DENND1A: variants seen among roughly 807,000 people sequenced by gnomAD.
The protein encoded by DENND1A is DENN domain-containing protein 1A.
Under a neutral mutation model 113.7 loss-of-function variants are expected in DENND1A, and 51 were observed. The observed-to-expected ratio is 0.45, with a 90% CI of 0.36 to 0.57. The LOEUF (loss-of-function observed/expected upper bound fraction) is 0.57. Among genes scored for constraint, DENND1A ranks in the 20% least tolerant of loss-of-function variants. The probability of loss-of-function intolerance (pLI) is 0.00; values close to 1 mark genes in which losing one functional copy is unlikely to be tolerated. For missense variants in DENND1A, 1,258 were observed against 1,395.9 expected, an observed-to-expected ratio of 0.90 and a Z score of 1.57; for synonymous variants, 565 against 570.8, an observed-to-expected ratio of 0.99 and a Z score of 0.14.
intron 11 of DENND1A, among the ~76,000 whole-genome samples, chr9:123,589,647 GAAAAAA>G (rs58211177): frequency 2.8e-4 from 10 of 35,432 alleles, no homozygotes; most frequent in Non-Finnish European, 5.7e-4. Flanking sequence ...TTCTCAGAAT[GAAAAAA>G]AAAAAAAAAA....
intron 5 of DENND1A, among the ~76,000 whole-genome samples, chr9:123,745,156 A>G (rs17288815): frequency 6.6e-6 from 1 of 152,138 alleles, no homozygotes; most frequent in Non-Finnish European, 1.5e-5. Context: ...GAGTAATCAG[A>G]AGCTCATTTC....
chr9:123,423,275 C>T (rs2045453008), intron 19 of DENND1A, among the ~76,000 whole-genome samples: 1 of 152,210 alleles, frequency 6.6e-6, no homozygotes, highest in African/African-American at 2.4e-5. Flanking sequence ...AGGCAACTCA[C>T]CGGCCCCTTT....
chr9:123,492,998 C>T (rs1441477021), intron 13 of DENND1A: 1 of 152,242 alleles, frequency 6.6e-6, no homozygotes, highest in Non-Finnish European at 1.5e-5. Flanking sequence ...ACATGGTTAC[C>T]ACCTGAGGAA....
chr9:123,854,136 C>A (rs899108780), intron 2 of DENND1A, among the ~76,000 whole-genome samples: 13 of 152,062 alleles, frequency 8.5e-5, no homozygotes, highest in Non-Finnish European at 1.6e-4. Flanking sequence ...CATTTTTAAC[C>A]CACTGCATTA....
chr9:123,870,931 C>T (rs1846501030), intron 2 of DENND1A, among the ~76,000 whole-genome samples: 2 of 152,038 alleles, frequency 1.3e-5, no homozygotes, highest in Admixed American at 6.5e-5. Flanking sequence ...TGCCATTCTT[C>T]AAGCTTGCTG....
intron 6 of DENND1A, among the ~76,000 whole-genome samples, chr9:123,676,108 G>A (rs569358546): frequency 2.0e-5 from 3 of 152,116 alleles, no homozygotes; most frequent in Non-Finnish European, 4.4e-5. Context: ...TGAAAATGTG[G>A]GCTACAAAAA....
At chr9:123,859,046 A>T (rs1240501829) in intron 2 of DENND1A, among the ~76,000 whole-genome samples, 1 of 152,226 alleles carries the variant, frequency 6.6e-6, no homozygotes, top group African/African-American at 2.4e-5. Flanking sequence ...GAACCAATCC[A>T]GGAAGAATGC....
chr9:123,387,890 C>T, intron 21 of DENND1A, 32 bp from the exon 22 acceptor site: 2 of 1,284,830 alleles, frequency 1.6e-6, no homozygotes, highest in South Asian at 2.5e-5. Context: ...GAGAAGAGAA[C>T]AGGCAGTTAG....
intron 11 of DENND1A, among the ~76,000 whole-genome samples, chr9:123,593,970 G>C (rs568586597): frequency 6.6e-6 from 1 of 152,070 alleles, no homozygotes; most frequent in African/African-American, 2.4e-5. Context: ...TCTTTCTCCT[G>C]CTGGCCATGT....
At chr9:123,410,174 AC>A (rs2131493001) in intron 20 of DENND1A, among the ~76,000 whole-genome samples, 1 of 152,254 alleles carries the variant, frequency 6.6e-6, no homozygotes, top group East Asian at 1.9e-4. Context: ...TTCTCACAAA[AC>A]CCCTCTAGGA....
chr9:123,637,297 C>T (rs79270342), intron 9 of DENND1A, among the ~76,000 whole-genome samples: 3,078 of 152,268 alleles, frequency 0.02, 54 homozygotes, highest in South Asian at 0.059. Context: ...TCATTTTGAC[C>T]AGGGATCATC....
At chr9:123,728,479 CAAAAAAAA>C (rs60761810) in intron 5 of DENND1A, among the ~76,000 whole-genome samples, 646 of 25,184 alleles carry the variant, frequency 0.026, 13 homozygotes, top group African/African-American at 0.086. Context: ...CTCTGTCTCC[CAAAAAAAA>C]AAAAAAAAAA....
intron 5 of DENND1A, among the ~76,000 whole-genome samples, chr9:123,710,513 G>A (rs1368841827): frequency 1.5e-5 from 2 of 132,484 alleles, no homozygotes; most frequent in African/African-American, 5.7e-5. Flanking sequence ...ACGCTGCTGA[G>A]TCATCTATAA....
Position 123,421,809 on chromosome 9 carries a change from C to T in DENND1A, c.1489-9980G>A, listed in dbSNP as rs141314922. On this transcript the variant is annotated intron_variant, in intron 19 of 23. Coordinates refer to ENST00000394215, the MANE Select transcript of DENND1A (RefSeq NM_001352964.2). ...CCAGGCCACCACGAGCCTCCAACTGCTTTCCCTGCCACTGGCAGCCCAGGA... is the reference window on the plus strand; with the variant it reads ...CCAGGCCACCACGAGCCTCCAACTGTTTTCCCTGCCACTGGCAGCCCAGGA... Among the ~76,000 whole-genome samples the T allele has an allele frequency of 1.4e-3, 220 of 152,332 alleles. 3 individuals are homozygous for T. In the East Asian group the frequency reaches 0.031, roughly 22 times the overall value.
At chr9:123,763,592 T>C (rs1443281412) in intron 4 of DENND1A, among the ~76,000 whole-genome samples, 2 of 152,070 alleles carry the variant, frequency 1.3e-5, no homozygotes, top group Admixed American at 6.6e-5. Flanking sequence ...AAACAGATGG[T>C]ATTTAACACC....
chr9:123,724,124 T>C (rs774129443), intron 5 of DENND1A, among the ~76,000 whole-genome samples: 5 of 152,220 alleles, frequency 3.3e-5, no homozygotes, highest in Admixed American at 3.3e-4. Context: ...TTTGTAGTCA[T>C]AATGCTTGGT....
chr9:123,594,534 G>A (rs1482112658), intron 11 of DENND1A, among the ~76,000 whole-genome samples: 1 of 150,232 alleles, frequency 6.7e-6, no homozygotes, highest in African/African-American at 2.5e-5. Context: ...AACATACTGA[G>A]CAACTAATAT....
At chr9:123,895,634 A>C (rs1448156568) in intron 1 of DENND1A, among the ~76,000 whole-genome samples, 1 of 151,568 alleles carries the variant, frequency 6.6e-6, no homozygotes, top group Non-Finnish European at 1.5e-5. Flanking sequence ...AAAAAAAAAA[A>C]GAAAAAAAGA....
intron 19 of DENND1A, chr9:123,439,977 T>G (rs184541074): frequency 1.5e-3 from 229 of 153,550 alleles, no homozygotes; most frequent in Non-Finnish European, 3.5e-4. Flanking sequence ...ATTGATTTTT[T>G]TTTTAAGACT....
Sources: allele counts gnomAD v4.1 joint callset (sites outside exome capture counted in the v4.1 genomes callset), GRCh38; gene constraint gnomAD v4.1.1; transcripts MANE v1.5; gene names NCBI Gene and HGNC (gene_info 2026-07-23, HGNC 2026-07-21).